Variants in CAST observed in about 807,000 individuals in gnomAD.
The protein encoded by CAST is MIR583 host.
A neutral mutation model predicts 119.6 loss-of-function variants in CAST; 76 were observed. The ratio of observed to expected loss-of-function variants is 0.64; its 90% CI spans 0.53 to 0.77. The LOEUF is 0.77. CAST is among the 30% of genes least tolerant of loss of function. The probability of loss-of-function intolerance (pLI) is 0.00; values close to 1 mark genes in which losing one functional copy is unlikely to be tolerated. For synonymous variants in CAST, 319 were observed against 331.6 expected (o/e 0.96, Z 0.41); for missense variants, 953 against 946.5 (o/e 1.01, Z -0.09).
the CAST span, among the ~76,000 whole-genome samples, chr5:95,963,715 TTCTC>T: frequency 9.3e-5 from 14 of 150,694 alleles, no homozygotes; most frequent in South Asian, 4.2e-4. Context: ...AACTTTTCTT[TTCTC>T]TCTCTCTTTT....
the CAST span, among the ~76,000 whole-genome samples, chr5:96,458,973 A>C: frequency 5.3e-5 from 8 of 152,204 alleles, no homozygotes; most frequent in Admixed American, 5.2e-4. Flanking sequence ...CTAGGCACCA[A>C]ATTAGTTTTA....
chr5:96,145,325 T>C, the CAST span, among the ~76,000 whole-genome samples: 1 of 152,176 alleles, frequency 6.6e-6, no homozygotes, highest in Admixed American at 6.5e-5. Flanking sequence ...AATTTTTATT[T>C]AGGTTGCAAA....
At chr5:96,497,218 C>T in the CAST span, among the ~76,000 whole-genome samples, 2 of 152,036 alleles carry the variant, frequency 1.3e-5, no homozygotes, top group African/African-American at 4.8e-5. Flanking sequence ...ACATAGTATT[C>T]CATGGTGTAT....
intron 1 of CAST, among the ~76,000 whole-genome samples, chr5:96,665,783 T>A (rs571321971): frequency 6.6e-6 from 1 of 151,548 alleles, no homozygotes; most frequent in Non-Finnish European, 1.5e-5. Context: ...CATACAAACA[T>A]ATACAATCCA....
At chr5:96,501,821 G>T in the CAST span, among the ~76,000 whole-genome samples, 1 of 152,168 alleles carries the variant, frequency 6.6e-6, no homozygotes, top group Non-Finnish European at 1.5e-5. Context: ...GGATTATGAT[G>T]GAGCTGAAAA....
chr5:96,575,053 T>C (rs1317685121), intron 1 of CAST, among the ~76,000 whole-genome samples: 2 of 152,232 alleles, frequency 1.3e-5, no homozygotes, highest in Non-Finnish European at 2.9e-5. Flanking sequence ...CTATGTGATA[T>C]GTCTCTCCAT....
At chr5:96,717,573 A>G (rs550989728) in intron 3 of CAST, among the ~76,000 whole-genome samples, 14 of 152,344 alleles carry the variant, frequency 9.2e-5, no homozygotes, top group African/African-American at 3.1e-4. Context: ...TCAATTTTAC[A>G]TATGAGGAAA....
At chr5:95,965,561 C>A in the CAST span, among the ~76,000 whole-genome samples, 1 of 152,192 alleles carries the variant, frequency 6.6e-6, no homozygotes, top group East Asian at 1.9e-4. Context: ...AGAGTTATAG[C>A]ACAGAAGCTC....
the CAST span, among the ~76,000 whole-genome samples, chr5:96,479,453 A>ATT: frequency 4.1e-5 from 5 of 122,156 alleles, no homozygotes; most frequent in East Asian, 8.7e-4. Flanking sequence ...GGCACTCCTT[A>ATT]TTTTTTTTTT....
At chr5:96,310,668 G>T in the CAST span, among the ~76,000 whole-genome samples, 3 of 150,932 alleles carry the variant, frequency 2.0e-5, no homozygotes, top group African/African-American at 7.3e-5. Context: ...TTTGGAGGTT[G>T]TATGTGTCTA....
At chr5:96,558,298 A>G (rs1230110039) in intron 1 of CAST, among the ~76,000 whole-genome samples, 5 of 152,128 alleles carry the variant, frequency 3.3e-5, no homozygotes, top group Non-Finnish European at 5.9e-5. Context: ...TAAAAGAACT[A>G]GAGAAGCAAG....
the CAST span, among the ~76,000 whole-genome samples, chr5:96,172,167 C>T: frequency 3.9e-5 from 6 of 152,128 alleles, no homozygotes; most frequent in East Asian, 3.9e-4. Flanking sequence ...CTGGCAGGGG[C>T]GGGGATCACA....
chr5:96,660,851 G>T (rs1289575046), upstream of CAST, among the ~76,000 whole-genome samples: 1 of 151,890 alleles, frequency 6.6e-6, no homozygotes, highest in Non-Finnish European at 1.5e-5. Context: ...AGTGGACATA[G>T]TCCCAATATC....
chr5:96,212,171 T>G, the CAST span, among the ~76,000 whole-genome samples: 2 of 152,160 alleles, frequency 1.3e-5, no homozygotes, highest in Non-Finnish European at 1.5e-5. Context: ...CTATTTATTT[T>G]GTGTTCATTT....
chr5:96,122,677 TAA>T, the CAST span, among the ~76,000 whole-genome samples: 1 of 152,228 alleles, frequency 6.6e-6, no homozygotes, highest in East Asian at 1.9e-4. Flanking sequence ...GTTGAAGAAA[TAA>T]GATAATTATC....
chr5:96,279,683 T>A, the CAST span, among the ~76,000 whole-genome samples: 1 of 152,218 alleles, frequency 6.6e-6, no homozygotes, highest in African/African-American at 2.4e-5. Context: ...AATGTTCTTA[T>A]ACCACAGCTA....
the CAST span, chr5:96,390,359 TC>T: frequency 6.6e-6 from 1 of 152,332 alleles, no homozygotes; most frequent in East Asian, 1.9e-4. Context: ...GAGCTTTTTT[TC>T]TTTTGACTTA....
the CAST span, among the ~76,000 whole-genome samples, chr5:96,295,760 T>C: frequency 1.3e-5 from 2 of 152,286 alleles, no homozygotes; most frequent in East Asian, 3.9e-4. Flanking sequence ...AAAAGTCCTA[T>C]GAGAAGTGTC....
the CAST span, among the ~76,000 whole-genome samples, chr5:96,418,719 A>G: frequency 2.0e-5 from 3 of 152,330 alleles, no homozygotes; most frequent in East Asian, 5.8e-4. Context: ...ATGTCTGACA[A>G]CATGCTAGAA....
Sources: gnomAD v4.1 joint callset for allele counts (sites outside exome capture counted in the v4.1 genomes callset) on GRCh38, gnomAD v4.1.1 for gene constraint, MANE v1.5 for transcripts, NCBI Gene and HGNC (gene_info 2026-07-23, HGNC 2026-07-21) for gene names.